ABCB9: variants seen among roughly 807,000 people sequenced by gnomAD.
ABCB9 encodes ATP binding cassette subfamily B member 9.
ABCB9 carries 36 observed loss-of-function variants against 62.0 expected under a neutral mutation model. The ratio of observed to expected loss-of-function variants is 0.58; its 90% CI spans 0.45 to 0.77. The LOEUF is 0.77. Among genes scored for constraint, ABCB9 ranks in the 30% least tolerant of loss-of-function variants. The probability of loss-of-function intolerance (pLI) is 0.00; values close to 1 mark genes in which losing one functional copy is unlikely to be tolerated. For synonymous variants in ABCB9, 435 were observed against 461.4 expected, an observed-to-expected ratio of 0.94 and a Z score of 0.73; for missense variants, 943 against 1,054.7, an observed-to-expected ratio of 0.89 and a Z score of 1.47.
upstream of ABCB9, among the ~76,000 whole-genome samples, chr12:122,970,517 G>T (rs1235114024): frequency 1.3e-5 from 2 of 152,104 alleles, no homozygotes; most frequent in Non-Finnish European, 2.9e-5. Context: ...CAAAGTGCTG[G>T]GATTACAGGT....
In ABCB9 at chr12:122,929,859, G is replaced by A; in HGVS notation, c.*52C>T. 6.7e-7 allele frequency: 1 copy of A among 1,482,896 alleles called. No individual in the cohort carries two copies. Among genetic ancestry groups the A allele is most frequent in the Non-Finnish European group, 8.9e-7 (1 of 1,120,270 alleles). The allele number at this position is 1,482,896 out of a possible 1,614,324, so 91.9% of individuals were successfully genotyped here. ...GCTGGGGGCCTCCGTGGGCACATCT[G>A]CCAGGCAGGCACCGGGTCCTCTGCC... On this transcript the variant is annotated 3_prime_UTR_variant, in exon 12 of 12. Coordinates refer to ENST00000280560, the MANE Select transcript of ABCB9 (RefSeq NM_019625.4). The surrounding 1 kb of genome is among the most constrained non-coding windows in gnomAD (Gnocchi z 6.0).
intron 9 of ABCB9, among the ~76,000 whole-genome samples, chr12:122,937,320 C>T (rs1018336004): frequency 6.7e-5 from 10 of 150,216 alleles, no homozygotes; most frequent in Admixed American, 4.0e-4. Context: ...GATCATGCCA[C>T]AGCACTCTAG....
upstream of ABCB9, among the ~76,000 whole-genome samples, chr12:122,970,444 C>T (rs564148651): frequency 1.4e-4 from 22 of 152,212 alleles, no homozygotes; most frequent in East Asian, 4.1e-3. Context: ...GATGAAGTTT[C>T]ACCATATTGG....
chr12:122,964,674 G>T lies in ABCB9; in HGVS notation c.-88+1613C>A, dbSNP rs2037082094. ...CTGCCTGACTCAGAGGATGCGCTGG[G>T]CTCGGCCAGGTGGAGCTGGAGGGCA... is the stretch of plus-strand genomic sequence containing the variant. On this transcript the variant is annotated intron_variant, in intron 1 of 11. Transcript: ENST00000280560. This position sits in a 1 kb window ranked among gnomAD's most constrained non-coding sequence, Gnocchi z 4.7. Among the ~76,000 whole-genome samples, 1 of 152,240 alleles carries T rather than the reference G, an allele frequency of 6.6e-6. No individual in the cohort carries two copies. The highest frequency in any genetic ancestry group is 2.4e-5 in the African/African-American group (1 of 41,470).
chr12:122,929,383 G>C lies in ABCB9; in HGVS notation c.*528C>G. 1 of 986,220 alleles carries C rather than the reference G, an allele frequency of 1.0e-6. No individual in the cohort carries two copies. The highest frequency in any genetic ancestry group is 1.2e-6 in the Non-Finnish European group (1 of 830,230). The allele number at this position is 986,220 out of a possible 1,614,324, so 61.1% of individuals were successfully genotyped here. On this transcript the variant is annotated 3_prime_UTR_variant, in exon 12 of 12. Coordinates refer to ENST00000280560, the MANE Select transcript of ABCB9 (RefSeq NM_019625.4). The surrounding 1 kb of genome is among the most constrained non-coding windows in gnomAD (Gnocchi z 6.0). Reference sequence around the variant, plus strand: ...CGCCCTGGCCAGACTCACAGAGCTGGCAAGAGGGAGAGACGGAAAATCCCG... The same window carrying C: ...CGCCCTGGCCAGACTCACAGAGCTGCCAAGAGGGAGAGACGGAAAATCCCG...
chr12:122,942,413 C>A (rs188024722), intron 7 of ABCB9, among the ~76,000 whole-genome samples: 83 of 148,776 alleles, frequency 5.6e-4, no homozygotes, highest in Non-Finnish European at 7.1e-4. Context: ...CATGGTGCAA[C>A]CCCATTTCTA....
intron 2 of ABCB9, among the ~76,000 whole-genome samples, chr12:122,958,636 C>T (rs1174152651): frequency 6.6e-6 from 1 of 152,028 alleles, no homozygotes; most frequent in Non-Finnish European, 1.5e-5. Flanking sequence ...CCCAGGAGTT[C>T]GAGATCAGCC....
intron 10 of ABCB9, among the ~76,000 whole-genome samples, chr12:122,933,018 G>A (rs1034534585): frequency 2.6e-5 from 4 of 152,118 alleles, no homozygotes; most frequent in East Asian, 1.9e-4. Context: ...AGCCTTCTGA[G>A]TAACTGAGAC....
In ABCB9 at chr12:122,950,534, G is replaced by A. The variant is rs138231319; in HGVS notation, c.633C>T (p.Arg211=). 4.3e-4 allele frequency: 696 copies of A among 1,613,054 alleles called. No individual in the cohort carries two copies. The highest frequency in any genetic ancestry group is 4.2e-4 in the Non-Finnish European group (494 of 1,179,982). ...TCTGGATGACGATGCCATCAATGGCGCGGCCCGTGTAGTAGGGCAGGAAGG... is the reference window on the plus strand; with the variant it reads ...TCTGGATGACGATGCCATCAATGGCACGGCCCGTGTAGTAGGGCAGGAAGG... ...GETFLPYYTG[R]AIDGIVIQKS... is the part of the protein sequence containing the mutation. Residue 211 remains arginine (R), a synonymous_variant, in exon 3 of 12, where the codon CGC becomes CGT. Coordinates refer to ENST00000280560, the MANE Select transcript of ABCB9 (RefSeq NM_019625.4).
chr12:122,970,097 C>T (rs562524441), upstream of ABCB9, among the ~76,000 whole-genome samples: 4 of 152,268 alleles, frequency 2.6e-5, no homozygotes, highest in South Asian at 6.2e-4. Context: ...TTATTACTTT[C>T]GAGATGGAGT....
intron 5 of ABCB9, chr12:122,946,500 T>C (rs2036054184): frequency 4.1e-6 from 2 of 488,756 alleles, no homozygotes; most frequent in South Asian, 4.5e-5. Flanking sequence ...TCCCCAGTAT[T>C]CAAAAGAGGC....
Position 122,940,569 on chromosome 12 carries a change from C to T in ABCB9, c.1569+238G>A, listed in dbSNP as rs2035703200. ...AAGAACCCCTTCTTGACTGTTACCA[C>T]CATTCCCATGGACCATCCCTACCAC... On this transcript the variant is annotated intron_variant, in intron 8 of 11. Coordinates refer to ENST00000280560, the MANE Select transcript of ABCB9 (RefSeq NM_019625.4). The surrounding 1 kb of genome is among the most constrained non-coding windows in gnomAD (Gnocchi z 4.8). Among the ~76,000 whole-genome samples the T allele has an allele frequency of 6.6e-6, 1 of 152,214 alleles. No homozygotes were observed. Among genetic ancestry groups the T allele is most frequent in the African/African-American group, 2.4e-5 (1 of 41,458 alleles).
intron 1 of ABCB9, among the ~76,000 whole-genome samples, chr12:122,973,948 G>A (rs1293859483): frequency 1.3e-5 from 2 of 152,250 alleles, no homozygotes; most frequent in Non-Finnish European, 2.9e-5. Flanking sequence ...GGGAGGCTGA[G>A]GCAGGAAAAC....
intron 1 of ABCB9, among the ~76,000 whole-genome samples, chr12:122,965,237 C>CG (rs2037109218): frequency 6.6e-6 from 1 of 152,110 alleles, no homozygotes; most frequent in South Asian, 2.1e-4. Flanking sequence ...GATGGAGACT[C>CG]GGGGGTCCCC....
chr12:122,930,609 C>T lies in ABCB9; in HGVS notation c.2041-438G>A, dbSNP rs908839104. Reference sequence around the variant, plus strand: ...ATTTTTAGTAGAGACAGGGTTTCACCATGTTGGCCAGACTGGTCTCGAACA... The same window carrying T: ...ATTTTTAGTAGAGACAGGGTTTCACTATGTTGGCCAGACTGGTCTCGAACA... On this transcript the variant is annotated intron_variant, in intron 11 of 11. Coordinates refer to ENST00000280560, the MANE Select transcript of ABCB9 (RefSeq NM_019625.4). This position sits in a 1 kb window ranked among gnomAD's most constrained non-coding sequence, Gnocchi z 4.9. Among the ~76,000 whole-genome samples the T allele has an allele frequency of 3.9e-5, 6 of 151,942 alleles. No individual in the cohort carries two copies. The highest frequency in any genetic ancestry group is 1.5e-4 in the African/African-American group (6 of 41,366).
Position 122,930,101 on chromosome 12 carries a change from A to G in ABCB9, c.2111T>C (p.Val704Ala), listed in dbSNP as rs1225530927. 1 of 1,557,820 alleles carries G rather than the reference A, an allele frequency of 6.4e-7. No homozygotes were observed. The highest frequency in any genetic ancestry group is 8.7e-7 in the Non-Finnish European group (1 of 1,150,954). The change falls in exon 12 of 12, where the codon GTG becomes GCG. Residue 704 changes from valine to alanine, a missense_variant. Val to Ala is a moderately conservative substitution (Grantham distance 64). Coordinates refer to ENST00000280560, the MANE Select transcript of ABCB9 (RefSeq NM_019625.4). The surrounding 1 kb of genome is among the most constrained non-coding windows in gnomAD (Gnocchi z 4.9). ...VLIIAHRLST[V>A]EHAHLIVVLD... The stretch of plus-strand genomic sequence containing the variant: ...CACCACAATGAGGTGCGCGTGCTCC[A>G]CGGTGCTCAGCCGGTGCGCGATGAT...
In ABCB9 at chr12:122,932,003, TG is replaced by T; in HGVS notation, c.2040+188del. On this transcript the variant is annotated intron_variant, in intron 11 of 11. Coordinates refer to ENST00000280560, the MANE Select transcript of ABCB9 (RefSeq NM_019625.4). The surrounding 1 kb of genome is among the most constrained non-coding windows in gnomAD (Gnocchi z 4.7). ...ACACCATACAGCTCTGCCTGGAGCC[TG>T]GAGGCTGGGTCCAGAGTGGCTCCTG... is the stretch of plus-strand genomic sequence containing the variant. The T allele has an allele frequency of 1.0e-6, 1 of 996,250 alleles. No homozygotes were observed. Among genetic ancestry groups the T allele is most frequent in the Non-Finnish European group, 1.5e-6 (1 of 679,734 alleles). The allele number at this position is 996,250 out of a possible 1,614,324, so 61.7% of individuals were successfully genotyped here. A position where few individuals can be genotyped will look rare whatever the true frequency, so the allele number is the denominator to read the frequency against.
At chr12:122,918,867 C>T (rs2034683100), downstream of ABCB9, among the ~76,000 whole-genome samples, 1 of 152,154 alleles carries the variant, frequency 6.6e-6, no homozygotes, top group African/African-American at 2.4e-5. Context: ...CTGTAAAAAA[C>T]ATCTTGTATC....
chr12:122,962,679 T>A (rs2036970227), intron 1 of ABCB9, among the ~76,000 whole-genome samples: 1 of 152,250 alleles, frequency 6.6e-6, no homozygotes, highest in African/African-American at 2.4e-5. Flanking sequence ...TCCACCTGTC[T>A]ACTGCATGCC....
Sources: gnomAD v4.1 joint callset for allele counts (sites outside exome capture counted in the v4.1 genomes callset) on GRCh38, gnomAD v4.1.1 for gene constraint, Gnocchi (gnomAD v3.1) non-coding constraint, MANE v1.5 for transcripts, NCBI Gene and HGNC (gene_info 2026-07-23, HGNC 2026-07-21) for gene names.